Variants in SGCD observed in about 807,000 individuals in gnomAD.
The protein encoded by SGCD is sarcoglycan delta.
In SGCD, 18 loss-of-function variants were observed where a neutral mutation model predicts 36.6. The ratio of observed to expected loss-of-function variants is 0.49; its 90% CI spans 0.34 to 0.73. SGCD has a LOEUF of 0.73. Ranked by LOEUF, SGCD falls within the 30% of genes least tolerant of loss-of-function variation. The pLI, the probability that SGCD is intolerant of heterozygous loss-of-function variation, is 0.01. For synonymous variants in SGCD, 133 were observed against 130.6 expected (o/e 1.02, Z -0.12); for missense variants, 387 against 346.7 (o/e 1.12, Z -0.92).
chr5:155,930,624 T>C (rs1338720116), intron 1 of SGCD, among the ~76,000 whole-genome samples: 1 of 152,176 alleles, frequency 6.6e-6, no homozygotes, highest in Non-Finnish European at 1.5e-5. Flanking sequence ...AGTAGGGTCC[T>C]CTTTTAGCTC....
At position 156,101,902 on chromosome 5, in the gene SGCD, C is replaced by CTGTGTGTGTGTGTG. The variant is rs36187985; in HGVS notation, c.-281-15949_-281-15936dup. The stretch of plus-strand genomic sequence containing the variant: ...AGAATCTATTCACTGGTGTCTCCAG[C>CTGTGTGTGTGTGTG]TGTGTGTGTGTGTGTGTGTGTGTGT... On this transcript the variant is annotated intron_variant, in intron 1 of 9. Coordinates refer to the SGCD transcript ENST00000517913. 3.3e-3 allele frequency among the ~76,000 whole-genome samples: 354 copies of CTGTGTGTGTGTGTG among 107,876 alleles called. 3 individuals carry two copies. Among genetic ancestry groups the CTGTGTGTGTGTGTG allele is most frequent in the African/African-American group, 0.01 (269 of 25,736 alleles). 70.8% of individuals were successfully genotyped at this position (107,876 alleles called of 152,430 possible). A position where few individuals can be genotyped will look rare whatever the true frequency, so the allele number is the denominator to read the frequency against.
chr5:156,519,211 G>C (rs1757306253), intron 4 of SGCD, among the ~76,000 whole-genome samples: 3 of 152,056 alleles, frequency 2.0e-5, no homozygotes, highest in African/African-American at 7.2e-5. Flanking sequence ...ACACCTCTAT[G>C]CATATAAACC....
chr5:156,588,719 C>T (rs1027854143), intron 4 of SGCD, among the ~76,000 whole-genome samples: 1 of 152,202 alleles, frequency 6.6e-6, no homozygotes, highest in Non-Finnish European at 1.5e-5. Flanking sequence ...GTTTTGTATA[C>T]ATGCATTGCA....
chr5:156,570,595 A>T (rs865902989), intron 4 of SGCD, among the ~76,000 whole-genome samples: 1 of 152,166 alleles, frequency 6.6e-6, no homozygotes, highest in East Asian at 1.9e-4. Context: ...TTTTTGCCTT[A>T]AATACTGTTT....
At position 156,383,042 on chromosome 5, in the gene SGCD, G is replaced by A. The variant is rs796320041; in HGVS notation, c.192+38365G>A. Among the ~76,000 whole-genome samples the A allele has an allele frequency of 2.6e-5, 4 of 152,224 alleles. 1 individual carries two copies. Among genetic ancestry groups the A allele is most frequent in the African/African-American group, 7.2e-5 (3 of 41,554 alleles). On this transcript the variant is annotated intron_variant, in intron 3 of 8. Transcript: ENST00000337851. ...TAAGAAGCTGTTAAAGAGTAGATAG[G>A]CATTCATGAATGCCACCTGGTTCAA...
intron 8 of SGCD, 147 bp from the exon 9 acceptor site, chr5:156,759,070 C>A: frequency 3.2e-6 from 2 of 625,122 alleles, no homozygotes; most frequent in Non-Finnish European, 2.9e-6. Flanking sequence ...TTGTTGGTAT[C>A]CAAATCCCCA....
chr5:156,185,823 ATGTG>A (rs1258770652), intron 3 of SGCD, among the ~76,000 whole-genome samples: 1 of 135,120 alleles, frequency 7.4e-6, no homozygotes, highest in Non-Finnish European at 1.6e-5. Flanking sequence ...GGCCATATAT[ATGTG>A]TGTGTGTATA....
intron 3 of SGCD, among the ~76,000 whole-genome samples, chr5:156,439,218 T>A (rs1226861367): frequency 6.6e-6 from 1 of 152,148 alleles, no homozygotes; most frequent in Non-Finnish European, 1.5e-5. Context: ...AACCCCTTTT[T>A]CCATTTGAGG....
intron 3 of SGCD, among the ~76,000 whole-genome samples, chr5:156,172,018 C>T (rs570062350): frequency 5.9e-4 from 90 of 152,254 alleles, no homozygotes; most frequent in African/African-American, 2.0e-3. Flanking sequence ...CGTGGTGGCT[C>T]ACACCTGTAA....
chr5:156,022,273 A>G (rs1323849446), intron 1 of SGCD, among the ~76,000 whole-genome samples: 1 of 152,162 alleles, frequency 6.6e-6, no homozygotes, highest in Non-Finnish European at 1.5e-5. Context: ...GTTTGTTGTT[A>G]TATTGTGATT....
chr5:156,480,533 T>C (rs1018828871), intron 3 of SGCD, among the ~76,000 whole-genome samples: 4 of 152,204 alleles, frequency 2.6e-5, no homozygotes, highest in Non-Finnish European at 2.9e-5. Context: ...GGAAATCAGA[T>C]GACCTTGATG....
intron 3 of SGCD, among the ~76,000 whole-genome samples, chr5:156,353,619 C>T (rs559186754): frequency 2.6e-5 from 4 of 152,292 alleles, no homozygotes; most frequent in East Asian, 3.9e-4. Flanking sequence ...CGCTTCAATG[C>T]GGGTGCCAGC....
intron 4 of SGCD, among the ~76,000 whole-genome samples, chr5:156,578,455 T>A (rs1422812392): frequency 6.6e-6 from 1 of 152,228 alleles, no homozygotes; most frequent in East Asian, 1.9e-4. Flanking sequence ...GATTCCCTCT[T>A]TTTCTATTGA....
At position 156,766,282 on chromosome 5, in the gene SGCD, C is replaced by T. The variant is rs532744970; in HGVS notation, c.*6892C>T. The T allele has an allele frequency of 6.6e-6, 1 of 152,128 alleles. No homozygotes were observed. Among genetic ancestry groups the T allele is most frequent in the South Asian group, 2.1e-4 (1 of 4,820 alleles). The allele number at this position is 152,128 out of a possible 1,614,324, so 9.4% of individuals were successfully genotyped here. A position where few individuals can be genotyped will look rare whatever the true frequency, so the allele number is the denominator to read the frequency against. Reference sequence around the variant, plus strand: ...AAGGAAGCGATCAAATAGAGGGAAGCTCATTTCTATCATTGTCTCTGTTTC... The same window carrying T: ...AAGGAAGCGATCAAATAGAGGGAAGTTCATTTCTATCATTGTCTCTGTTTC... On this transcript the variant is annotated 3_prime_UTR_variant, in exon 9 of 9. Transcript: ENST00000337851.
At chr5:156,112,034 C>A (rs1028629071) in intron 1 of SGCD, among the ~76,000 whole-genome samples, 1 of 152,152 alleles carries the variant, frequency 6.6e-6, no homozygotes, top group Non-Finnish European at 1.5e-5. Flanking sequence ...TCCACCTCAG[C>A]CTCTCAAAGT....
intron 3 of SGCD, among the ~76,000 whole-genome samples, chr5:156,250,172 T>C (rs904331234): frequency 3.8e-4 from 58 of 152,234 alleles, no homozygotes; most frequent in Non-Finnish European, 8.4e-4. Context: ...TTCTTCTTTT[T>C]TGTCATTTAC....
intron 3 of SGCD, among the ~76,000 whole-genome samples, chr5:156,376,519 G>A (rs1486953473): frequency 6.6e-6 from 1 of 152,162 alleles, no homozygotes; most frequent in Non-Finnish European, 1.5e-5. Context: ...TTGATATTTT[G>A]TTAATCATAT....
At chr5:156,010,025 C>T (rs980112841) in intron 1 of SGCD, among the ~76,000 whole-genome samples, 2 of 152,102 alleles carry the variant, frequency 1.3e-5, no homozygotes, top group Admixed American at 1.3e-4. Flanking sequence ...AAATATTTTA[C>T]TCTTTGGTCT....
At chr5:156,019,519 A>T (rs1759054260) in intron 1 of SGCD, among the ~76,000 whole-genome samples, 1 of 152,188 alleles carries the variant, frequency 6.6e-6, no homozygotes, top group Admixed American at 6.5e-5. Flanking sequence ...TGAGAATTTG[A>T]TTATTGAATA....
Sources: gnomAD v4.1 joint callset for allele counts (sites outside exome capture counted in the v4.1 genomes callset) on GRCh38, gnomAD v4.1.1 for gene constraint, MANE v1.5 for transcripts, NCBI Gene and HGNC (gene_info 2026-07-23, HGNC 2026-07-21) for gene names.